Variants in ZNF155 observed in about 807,000 individuals in gnomAD.
ZNF155 encodes the protein KRAB A domain.
ZNF155 carries 15 observed loss-of-function variants against 11.9 expected under a neutral mutation model. That is an observed-to-expected ratio of 1.26 (90% CI 0.84 to 1.94). The LOEUF (loss-of-function observed/expected upper bound fraction) is 1.94. Among genes scored for constraint, ZNF155 ranks in the 30% most tolerant of loss-of-function variants. The pLI is 0.00. For missense variants in ZNF155, 602 were observed against 639.1 expected (o/e 0.94, Z 0.63); for synonymous variants, 212 against 219.9 (o/e 0.96, Z 0.32).
In ZNF155 at chr19:43,996,571, G is replaced by A; in HGVS notation, c.714G>A (p.Gly238=). 2 of 1,614,092 alleles carry A rather than the reference G, an allele frequency of 1.2e-6. No homozygotes were observed. Among genetic ancestry groups the A allele is most frequent in the Non-Finnish European group, 1.7e-6 (2 of 1,180,012 alleles). The change falls in exon 5 of 5, where the codon GGG becomes GGA. Residue 238 remains glycine, a synonymous_variant. Transcript: ENST00000270014. ...AACCATTCAAATGTGAGCAATGTGG[G>A]AAAGGTTTCAGTCGTAGATCAGCAC... ...GEKPFKCEQC[G]KGFSRRSALN... is the part of the protein sequence containing the mutation.
chr19:43,986,776 T>C (rs963302466), intron 1 of ZNF155, among the ~76,000 whole-genome samples: 5 of 152,200 alleles, frequency 3.3e-5, no homozygotes, highest in Non-Finnish European at 7.3e-5. Flanking sequence ...TATGACTATT[T>C]CCTGATAGTT....
In ZNF155 at chr19:43,996,233, G is replaced by A; in HGVS notation, c.376G>A (p.Glu126Lys). Reference protein sequence around the residue: ...DSIINNSQFFENGDVPSQVEA... With the variant: ...DSIINNSQFFKNGDVPSQVEA... ...TATCATAAATAACTCTCAGTTCTTT[G>A]AAAATGGTGATGTCCCCTCCCAGGT... Residue 126 changes from glutamate to lysine, a missense_variant, in exon 5 of 5, where the codon GAA (glutamate) becomes AAA (lysine). By Grantham distance (56) the Glu-to-Lys change is moderately conservative (BLOSUM62 1). Transcript: ENST00000270014. 6.2e-7 allele frequency: 1 copy of A among 1,614,138 alleles called. No individual in the cohort carries two copies. Among genetic ancestry groups the A allele is most frequent in the Non-Finnish European group, 8.5e-7 (1 of 1,180,006 alleles).
At chr19:43,988,421 T>C (rs1478838213) in intron 1 of ZNF155, 38 bp from the exon 2 acceptor site, 4 of 1,026,678 alleles carry the variant, frequency 3.9e-6, no homozygotes, top group Non-Finnish European at 4.2e-6. Context: ...TGATCATTCA[T>C]GGGCTAATTC....
At chr19:43,995,727 A>G (rs957540784) in intron 4 of ZNF155, among the ~76,000 whole-genome samples, 9 of 152,182 alleles carry the variant, frequency 5.9e-5, no homozygotes, top group African/African-American at 2.2e-4. Context: ...CAAAGTGTTG[A>G]TTAAGTTATT....
chr19:43,988,923 T>G (rs964852314), intron 2 of ZNF155: 3 of 176,612 alleles, frequency 1.7e-5, no homozygotes, highest in African/African-American at 7.1e-5. Context: ...TCTTTTTATA[T>G]GTTATATAAT....
At chr19:43,986,452 T>G (rs868531105) in intron 1 of ZNF155, among the ~76,000 whole-genome samples, 1 of 46,060 alleles carries the variant, frequency 2.2e-5, no homozygotes, top group African/African-American at 6.6e-5. Flanking sequence ...CATTTGTGTT[T>G]TTTTTTTTTT....
At chr19:43,991,696 G>A in intron 3 of ZNF155, 22 bp downstream of exon 3, 2 of 1,614,012 alleles carry the variant, frequency 1.2e-6, no homozygotes, top group Non-Finnish European at 8.5e-7. Flanking sequence ...CATCTTTTGT[G>A]TCTGAACATC....
chr19:43,996,452 G>A lies in ZNF155; in HGVS notation c.595G>A (p.Val199Met), dbSNP rs1484616714. The A allele has an allele frequency of 1.3e-5, 21 of 1,614,152 alleles. No homozygotes were observed. The highest frequency in any genetic ancestry group is 1.7e-5 in the Admixed American group (1 of 60,022). Reference protein sequence around the residue: ...SALHVHQRVHVGEKLFMCDVC... With the variant: ...SALHVHQRVHMGEKLFMCDVC... Reference sequence around the variant, plus strand: ...TCTTCATGTTCATCAGAGAGTCCACGTGGGAGAGAAACTCTTTATGTGTGA... The same window carrying A: ...TCTTCATGTTCATCAGAGAGTCCACATGGGAGAGAAACTCTTTATGTGTGA... The change falls in exon 5 of 5, where the codon GTG (valine) becomes ATG (methionine). Residue 199 changes from valine (V) to methionine (M), a missense_variant. Val to Met is a conservative substitution (Grantham distance 21, BLOSUM62 1). Coordinates refer to ENST00000270014, the MANE Select transcript of ZNF155 (RefSeq NM_198089.3).
At chr19:43,991,418 T>G in intron 2 of ZNF155, 130 bp from the exon 3 acceptor site, 1 of 1,480,270 alleles carries the variant, frequency 6.8e-7, no homozygotes, top group Non-Finnish European at 9.2e-7. Flanking sequence ...GAGTGGGAAA[T>G]CTCTAAGTTG....
intron 4 of ZNF155, among the ~76,000 whole-genome samples, chr19:43,994,102 GTAGTCTTCAA>G (rs1975753280): frequency 6.6e-6 from 1 of 152,140 alleles, no homozygotes; most frequent in Non-Finnish European, 1.5e-5. Context: ...TCACTAATGT[GTAGTCTTCAA>G]TATAAAAAGT....
chr19:43,988,251 C>T (rs1467586200), intron 1 of ZNF155, among the ~76,000 whole-genome samples: 2 of 152,166 alleles, frequency 1.3e-5, no homozygotes, highest in Non-Finnish European at 2.9e-5. Context: ...TTGTGATTGG[C>T]TTCTTTCATT....
chr19:43,992,429 A>G (rs939193124), intron 4 of ZNF155, among the ~76,000 whole-genome samples: 2 of 152,194 alleles, frequency 1.3e-5, no homozygotes, highest in African/African-American at 4.8e-5. Flanking sequence ...AGTTTGATAC[A>G]TTTCACTGGG....
At chr19:43,989,049 C>T (rs1975563367) in intron 2 of ZNF155, 1 of 152,392 alleles carries the variant, frequency 6.6e-6, no homozygotes, top group Non-Finnish European at 1.5e-5. Flanking sequence ...CTTTCCTATA[C>T]ATAACCTTTT....
At chr19:43,995,000 G>A (rs575520226) in intron 4 of ZNF155, among the ~76,000 whole-genome samples, 1 of 152,252 alleles carries the variant, frequency 6.6e-6, no homozygotes, top group South Asian at 2.1e-4. Context: ...TCCAGTGATT[G>A]CCTTCAAGCC....
Position 43,997,263 on chromosome 19 carries a change from C to T in ZNF155, c.1406C>T (p.Ser469Leu), listed in dbSNP as rs1331384855. Residue 469 changes from serine to leucine, a missense_variant, in exon 5 of 5, where the codon TCA becomes TTA. Coordinates refer to ENST00000270014, the MANE Select transcript of ZNF155 (RefSeq NM_198089.3). ...KECGKNFSRA[S>L]SILNHKRLHC... ...TGTGGGAAGAACTTTAGCCGGGCCT[C>T]AAGTATTTTGAATCATAAGAGACTC... 2 of 1,614,050 alleles carry T rather than the reference C, an allele frequency of 1.2e-6. No individual in the cohort carries two copies. The highest frequency in any genetic ancestry group is 2.2e-5 in the South Asian group (2 of 91,066).
Position 43,996,615 on chromosome 19 carries a change from TACAC to T in ZNF155, c.762_765del (p.His254GlnfsTer103). On this transcript the variant is annotated frameshift_variant, in exon 5 of 5. Transcript: ENST00000270014. LOFTEE classifies it low-confidence loss of function (END_TRUNC). Reference sequence around the variant, plus strand: ...TCAGCACTTAATGTTCATCGTAAATTACACACAGGAGAGAAACCTTACATTTGTG... The same window carrying T: ...TCAGCACTTAATGTTCATCGTAAATTACAGGAGAGAAACCTTACATTTGTG... 27 of 1,612,920 alleles carry T rather than the reference TACAC, an allele frequency of 1.7e-5. No individual in the cohort carries two copies. Among genetic ancestry groups the T allele is most frequent in the Non-Finnish European group, 2.3e-5 (27 of 1,179,068 alleles).
intron 2 of ZNF155, 120 bp downstream of exon 2, chr19:43,988,678 C>T: frequency 9.4e-7 from 1 of 1,063,308 alleles, no homozygotes; most frequent in Admixed American, 3.0e-5. Flanking sequence ...CCTGTTTGTG[C>T]CAGGTGCTTC....
Position 43,996,433 on chromosome 19 carries a change from TG to T in ZNF155, c.577del (p.Val193PhefsTer165). On this transcript the variant is annotated frameshift_variant, in exon 5 of 5. Transcript: ENST00000270014. LOFTEE classifies it low-confidence loss of function (END_TRUNC). ...GCATCTGTTACATCTCAGCTCTTCATGTTCATCAGAGAGTCCACGTGGGAGA... is the reference window on the plus strand; with the variant it reads ...GCATCTGTTACATCTCAGCTCTTCATTTCATCAGAGAGTCCACGTGGGAGA... ...KSICYISALH[V>X]HQRVHVGEKL... The T allele has an allele frequency of 6.2e-7, 1 of 1,614,228 alleles. No individual in the cohort carries two copies. Among genetic ancestry groups the T allele is most frequent in the African/African-American group, 1.3e-5 (1 of 75,058 alleles).
chr19:43,996,760 A>T lies in ZNF155; in HGVS notation c.903A>T (p.Ser301=), dbSNP rs1201187651. The stretch of plus-strand genomic sequence containing the variant: ...GTGGTAAGACCTTCTATTTTAGGTC[A>T]AGACTTAAGAGCCATTCCATGGTTC... ...DICGKTFYFR[S]RLKSHSMVHT... Residue 301 remains serine (S), a synonymous_variant, in exon 5 of 5, where the codon TCA becomes TCT. Transcript: ENST00000270014. 6.2e-7 allele frequency: 1 copy of T among 1,614,202 alleles called. No individual in the cohort carries two copies. Among genetic ancestry groups the T allele is most frequent in the South Asian group, 1.1e-5 (1 of 91,086 alleles).
Sources: gnomAD v4.1 joint callset for allele counts (sites outside exome capture counted in the v4.1 genomes callset) on GRCh38, gnomAD v4.1.1 for gene constraint, MANE v1.5 for transcripts, NCBI Gene and HGNC (gene_info 2026-07-23, HGNC 2026-07-21) for gene names.